NAALADL2: variants seen among roughly 807,000 people sequenced by gnomAD.
NAALADL2 encodes N-acetylated alpha-linked acidic dipeptidase like 2.
NAALADL2 carries 76 observed loss-of-function variants against 87.2 expected under a neutral mutation model. The observed-to-expected ratio is 0.87, with a 90% CI of 0.72 to 1.05. NAALADL2 has a LOEUF of 1.05. NAALADL2 is among the 50% of genes least tolerant of loss of function. NAALADL2 has a pLI of 0.00. For missense variants in NAALADL2, 1,089 were observed against 945.8 expected, an observed-to-expected ratio of 1.15 and a Z score of -1.99; for synonymous variants, 354 against 331.0, an observed-to-expected ratio of 1.07 and a Z score of -0.75.
At chr3:175,592,261 A>C (rs1721592467) in intron 10 of NAALADL2, among the ~76,000 whole-genome samples, 1 of 150,440 alleles carries the variant, frequency 6.6e-6, no homozygotes, top group Non-Finnish European at 1.5e-5. Flanking sequence ...ATCATCATTG[A>C]CTATTTTGTT....
At chr3:174,529,214 G>GC (rs1372474771) in intron 1 of NAALADL2, among the ~76,000 whole-genome samples, 1 of 152,170 alleles carries the variant, frequency 6.6e-6, no homozygotes, top group Non-Finnish European at 1.5e-5. Flanking sequence ...GGGGCTACAG[G>GC]CCCCATGCAA....
intron 1 of NAALADL2, among the ~76,000 whole-genome samples, chr3:174,984,810 G>T (rs536215797): frequency 9.2e-5 from 14 of 152,322 alleles, no homozygotes; most frequent in African/African-American, 2.9e-4. Context: ...CAAGAACCAA[G>T]TGAAGGCTAG....
intron 8 of NAALADL2, among the ~76,000 whole-genome samples, chr3:175,469,183 G>T (rs1432419660): frequency 1.3e-5 from 2 of 151,924 alleles, no homozygotes; most frequent in Non-Finnish European, 2.9e-5. Flanking sequence ...TTGATTATTG[G>T]CCTATAAAAT....
chr3:174,848,930 C>A (rs868159369), intron 3 of NAALADL2, among the ~76,000 whole-genome samples: 2 of 152,074 alleles, frequency 1.3e-5, no homozygotes, highest in Non-Finnish European at 2.9e-5. Context: ...AGGCTGTAAA[C>A]CTGTAGAGCA....
At chr3:174,926,336 G>C (rs1296978260) in intron 1 of NAALADL2, among the ~76,000 whole-genome samples, 1 of 152,094 alleles carries the variant, frequency 6.6e-6, no homozygotes, top group South Asian at 2.1e-4. Context: ...CCAACATTCA[G>C]ATTCAGGAAA....
rs551656195 is a variant in NAALADL2 at position 175,616,653 on chromosome 3, T to A, written c.1801-10638T>A. The stretch of plus-strand genomic sequence containing the variant: ...CCTCTGCCTGGGGCCTGGGGACCCC[T>A]GGGCTTGCTCCACCTGCTCAACCCA... On this transcript the variant is annotated intron_variant, in intron 10 of 13. Transcript: ENST00000454872. 3.3e-5 allele frequency among the ~76,000 whole-genome samples: 5 copies of A among 152,186 alleles called. No homozygotes were observed. In the East Asian group the frequency reaches 9.7e-4, roughly 30 times the overall value.
At chr3:175,290,894 T>C (rs1755564629) in intron 4 of NAALADL2, among the ~76,000 whole-genome samples, 1 of 149,504 alleles carries the variant, frequency 6.7e-6, no homozygotes, top group Non-Finnish European at 1.5e-5. Flanking sequence ...AAAGATAATG[T>C]GTGTGCGTGT....
At chr3:175,754,069 G>A (rs1746938397) in intron 12 of NAALADL2, among the ~76,000 whole-genome samples, 1 of 152,142 alleles carries the variant, frequency 6.6e-6, no homozygotes, top group African/African-American at 2.4e-5. Context: ...AGATGTGAGG[G>A]AATGCCCCTC....
At chr3:175,720,491 C>T (rs573532553) in intron 11 of NAALADL2, among the ~76,000 whole-genome samples, 2 of 152,120 alleles carry the variant, frequency 1.3e-5, no homozygotes, top group Admixed American at 1.3e-4. Context: ...AAAGTCATAT[C>T]TTTTGACCTT....
intron 2 of NAALADL2, among the ~76,000 whole-genome samples, chr3:174,622,809 G>A (rs34206770): frequency 0.41 from 62,174 of 151,746 alleles, 13,419 homozygotes; most frequent in Middle Eastern, 0.53. Flanking sequence ...GGGAGGCCGA[G>A]GCGGGCGAAT....
chr3:175,796,274 G>A (rs1198772932), intron 13 of NAALADL2, among the ~76,000 whole-genome samples: 1 of 152,094 alleles, frequency 6.6e-6, no homozygotes, highest in Non-Finnish European at 1.5e-5. Flanking sequence ...AAATTCAAGA[G>A]GTAGAGAAGT....
At chr3:175,507,494 C>T (rs1730506875) in intron 9 of NAALADL2, among the ~76,000 whole-genome samples, 2 of 150,188 alleles carry the variant, frequency 1.3e-5, no homozygotes, top group African/African-American at 4.9e-5. Context: ...GTGATCTCGG[C>T]TCACTGCAGC....
chr3:174,463,873 C>T (rs1243457408), intron 1 of NAALADL2, among the ~76,000 whole-genome samples: 1 of 152,084 alleles, frequency 6.6e-6, no homozygotes, highest in Non-Finnish European at 1.5e-5. Context: ...GCTGGGATTA[C>T]AGGTGTGAGC....
chr3:174,904,390 A>G (rs79359912), intron 1 of NAALADL2, among the ~76,000 whole-genome samples: 1,986 of 151,988 alleles, frequency 0.013, 16 homozygotes, highest in Non-Finnish European at 0.018. Context: ...ACCTTTATTT[A>G]TCAGATGGAA....
In NAALADL2 at chr3:174,894,594, C is replaced by CAAAAAAAAAAAAAAAAAAAAAA. The variant is rs869161862; in HGVS notation, c.43+35172_43+35193dup. On this transcript the variant is annotated intron_variant, in intron 1 of 13. Transcript: ENST00000454872. Reference sequence around the variant, plus strand: ...GGGCAAAAAGAGTGAAACTCCGTCTCAAAAAAAAAAAAAAAAAAAAAAAAA... The same window carrying CAAAAAAAAAAAAAAAAAAAAAA: ...GGGCAAAAAGAGTGAAACTCCGTCTCAAAAAAAAAAAAAAAAAAAAAAAAAAAAAAAAAAAAAAAAAAAAAAA... Among the ~76,000 whole-genome samples the CAAAAAAAAAAAAAAAAAAAAAA allele has an allele frequency of 1.0e-4, 5 of 48,476 alleles. 2 individuals are homozygous for CAAAAAAAAAAAAAAAAAAAAAA. The highest frequency in any genetic ancestry group is 1.7e-4 in the Non-Finnish European group (5 of 28,730). 31.8% of individuals were successfully genotyped at this position (48,476 alleles called of 152,430 possible). A position where few individuals can be genotyped will look rare whatever the true frequency, so the allele number is the denominator to read the frequency against.
At chr3:175,121,622 C>T (rs1225928949) in intron 2 of NAALADL2, among the ~76,000 whole-genome samples, 1 of 151,816 alleles carries the variant, frequency 6.6e-6, no homozygotes, top group African/African-American at 2.4e-5. Context: ...AAAATTGAAA[C>T]CTACATATTC....
intron 6 of NAALADL2, among the ~76,000 whole-genome samples, chr3:175,458,541 T>C (rs962113934): frequency 2.7e-5 from 4 of 147,752 alleles, no homozygotes; most frequent in Non-Finnish European, 6.0e-5. Context: ...ATATATAATA[T>C]ATAATTAAAA....
chr3:174,583,269 T>C (rs1050758159), intron 2 of NAALADL2, among the ~76,000 whole-genome samples: 2 of 152,214 alleles, frequency 1.3e-5, no homozygotes, highest in Non-Finnish European at 2.9e-5. Context: ...TGCTGCTCCC[T>C]GAATAATTTT....
intron 2 of NAALADL2, among the ~76,000 whole-genome samples, chr3:174,609,543 G>A (rs998710748): frequency 7.0e-4 from 107 of 152,118 alleles, no homozygotes; most frequent in Admixed American, 1.3e-3. Context: ...GAGCCAAATC[G>A]TGAGTGAACT....
Sources: allele counts gnomAD v4.1 joint callset (sites outside exome capture counted in the v4.1 genomes callset), GRCh38; gene constraint gnomAD v4.1.1; transcripts MANE v1.5; gene names NCBI Gene and HGNC (gene_info 2026-07-23, HGNC 2026-07-21).